Variants in GNAO1 observed in about 807,000 individuals in gnomAD.
GNAO1 encodes G protein subunit alpha o1.
For missense variants in GNAO1, 166 were observed against 478.7 expected, an observed-to-expected ratio of 0.35 and a Z score of 6.10; for synonymous variants, 164 against 180.7, an observed-to-expected ratio of 0.91 and a Z score of 0.74.
At chr16:56,344,269 C>A (rs1460028827) in intron 6 of GNAO1, 2 of 1,269,310 alleles carry the variant, frequency 1.6e-6, no homozygotes, top group African/African-American at 3.0e-5. Context: ...CACCCTGCAC[C>A]TGATGACTCA....
intron 4 of GNAO1, among the ~76,000 whole-genome samples, chr16:56,332,625 G>A (rs2037700404): frequency 6.6e-6 from 1 of 152,194 alleles, no homozygotes; most frequent in Non-Finnish European, 1.5e-5. Flanking sequence ...CTGGAACAGT[G>A]GCTAGGTGGG....
At chr16:56,244,201 G>C (rs2036720863) in intron 2 of GNAO1, among the ~76,000 whole-genome samples, 1 of 152,152 alleles carries the variant, frequency 6.6e-6, no homozygotes, top group African/African-American at 2.4e-5. Flanking sequence ...TTGAGAAACT[G>C]TCAGGATGAC....
intron 3 of GNAO1, among the ~76,000 whole-genome samples, chr16:56,300,036 T>TGTGTGTGTGTGTGTGTGTGTGCGC (rs753591618): frequency 8.4e-5 from 8 of 95,176 alleles, no homozygotes; most frequent in East Asian, 5.6e-4. Flanking sequence ...TGTGTGTGTG[T>TGTGTGTGTGTGTGTGTGTGTGCGC]GCGCGCGCGC....
chr16:56,308,632 T>G (rs1174491584), intron 3 of GNAO1, among the ~76,000 whole-genome samples: 1 of 151,672 alleles, frequency 6.6e-6, no homozygotes, highest in African/African-American at 2.4e-5. Flanking sequence ...CAAGAAGGGG[T>G]TTGAGGACTG....
intron 3 of GNAO1, among the ~76,000 whole-genome samples, chr16:56,282,246 T>C (rs1449952098): frequency 6.6e-6 from 1 of 152,220 alleles, no homozygotes; most frequent in Admixed American, 6.5e-5. Flanking sequence ...TGTAAAATAG[T>C]AATGATCCTG....
At chr16:56,347,154 T>A (rs545666622) in intron 6 of GNAO1, 1 of 985,454 alleles carries the variant, frequency 1.0e-6, no homozygotes, top group Admixed American at 6.1e-5. Flanking sequence ...GCTAGTGGCC[T>A]GCCCTCCTCC....
intron 2 of GNAO1, among the ~76,000 whole-genome samples, chr16:56,246,251 C>T (rs145754594): frequency 2.0e-5 from 3 of 152,362 alleles, no homozygotes; most frequent in Non-Finnish European, 4.4e-5. Flanking sequence ...ATGCAAGGCT[C>T]AGGCCCTCCT....
intron 3 of GNAO1, among the ~76,000 whole-genome samples, chr16:56,291,805 A>G (rs2037235404): frequency 6.6e-6 from 1 of 152,212 alleles, no homozygotes; most frequent in Non-Finnish European, 1.5e-5. Flanking sequence ...TCTCTGCTCC[A>G]TAGATGGTGC....
chr16:56,235,078 C>A, intron 2 of GNAO1: 1 of 330,626 alleles, frequency 3.0e-6, no homozygotes, highest in Non-Finnish European at 5.9e-6. Context: ...TATTCGCTGA[C>A]CAGACAAAGA....
intron 5 of GNAO1, among the ~76,000 whole-genome samples, chr16:56,335,193 G>A (rs12445946): frequency 0.33 from 49,462 of 152,004 alleles, 8,382 homozygotes; most frequent in South Asian, 0.41. Flanking sequence ...ACCTTGGGGG[G>A]AGGAGCCAAG....
At chr16:56,247,950 A>G (rs1295001264) in intron 2 of GNAO1, among the ~76,000 whole-genome samples, 1 of 152,190 alleles carries the variant, frequency 6.6e-6, no homozygotes, top group Non-Finnish European at 1.5e-5. Flanking sequence ...ATTCTCACAC[A>G]CATTGGTTGA....
chr16:56,313,622 C>A (rs1374632189), intron 3 of GNAO1, among the ~76,000 whole-genome samples: 1 of 152,180 alleles, frequency 6.6e-6, no homozygotes, highest in Admixed American at 6.5e-5. Context: ...GAGTATTTTA[C>A]TAGCCTTTTC....
chr16:56,342,756 T>G (rs1465383908), intron 6 of GNAO1, among the ~76,000 whole-genome samples: 1 of 152,230 alleles, frequency 6.6e-6, no homozygotes, highest in Non-Finnish European at 1.5e-5. Flanking sequence ...GCTACCTGCA[T>G]GAGCCCAGTG....
At chr16:56,308,128 G>A (rs1202753931) in intron 3 of GNAO1, 2 of 152,104 alleles carry the variant, frequency 1.3e-5, no homozygotes, top group African/African-American at 4.8e-5. Context: ...CCAACTTTGG[G>A]GTCCCCAGCC....
intron 2 of GNAO1, among the ~76,000 whole-genome samples, chr16:56,195,107 A>G (rs1260526408): frequency 2.1e-5 from 3 of 143,094 alleles, no homozygotes; most frequent in Non-Finnish European, 4.5e-5. Flanking sequence ...ACCTTACAGG[A>G]CACCTTTTTC....
intron 2 of GNAO1, among the ~76,000 whole-genome samples, chr16:56,251,786 G>C (rs1013060190): frequency 1.3e-5 from 2 of 152,166 alleles, no homozygotes; most frequent in South Asian, 4.1e-4. Flanking sequence ...TTGGTACCTG[G>C]TGAGAGGGTC....
intron 8 of GNAO1, 44 bp downstream of exon 8, chr16:56,355,125 TACACACACACACAC>T (rs59437828): frequency 5.4e-6 from 3 of 556,332 alleles, no homozygotes; most frequent in Non-Finnish European, 9.4e-6. Flanking sequence ...TGCGCGCGCA[TACACACACACACAC>T]ACACACACAC....
At chr16:56,324,902 G>C (rs880789) in intron 3 of GNAO1, among the ~76,000 whole-genome samples, 2 of 152,144 alleles carry the variant, frequency 1.3e-5, no homozygotes, top group African/African-American at 2.4e-5. Flanking sequence ...CAGTGGACAG[G>C]CTCTGACATG....
At position 56,344,393 on chromosome 16, in the gene GNAO1, G is replaced by A. The variant is rs145059173; in HGVS notation, c.724-6991G>A. 8.3e-4 allele frequency: 845 copies of A among 1,017,296 alleles called. 6 individuals are homozygous for A. The African/African-American group carries it at 0.013, about 16-fold the overall frequency. 63.0% of individuals were successfully genotyped at this position (1,017,296 alleles called of 1,614,324 possible). ...AGGAGCCATCCTTCAGCTTTGCCTG[G>A]GGTCTCTGGTGGAGGGCAGTTCCGT... On this transcript the variant is annotated intron_variant, in intron 6 of 8. Transcript: ENST00000262493.
Sources: gnomAD v4.1 joint callset for allele counts (sites outside exome capture counted in the v4.1 genomes callset) on GRCh38, gnomAD v4.1.1 for gene constraint, MANE v1.5 for transcripts, NCBI Gene and HGNC (gene_info 2026-07-23, HGNC 2026-07-21) for gene names.